Variants in KYNU observed in about 807,000 individuals in gnomAD.
KYNU encodes kynureninase, also known as L-kynurenine hydrolase.
In KYNU, 54 loss-of-function variants were observed where a neutral mutation model predicts 59.2. The ratio of observed to expected loss-of-function variants is 0.91; its 90% confidence interval spans 0.73 to 1.14. The LOEUF (loss-of-function observed/expected upper bound fraction) is 1.14, where lower values mean the gene tolerates loss of function less well. Among genes scored for constraint, KYNU ranks in the 50% most tolerant of loss-of-function variants. The pLI is 0.00. For synonymous variants in KYNU, 177 were observed against 192.0 expected (o/e 0.92, Z 0.65); for missense variants, 567 against 554.4 (o/e 1.02, Z -0.23).
chr2:143,033,904 T>C (rs1686825024), intron 12 of KYNU, among the ~76,000 whole-genome samples: 1 of 152,150 alleles, frequency 6.6e-6, no homozygotes, highest in Admixed American at 6.5e-5. Flanking sequence ...TATGATTTTT[T>C]TAAATTGGGA....
At chr2:142,877,761 C>CT (rs1681146050) in intron 1 of KYNU, 25 bp downstream of exon 1, 1 of 152,162 alleles carries the variant, frequency 6.6e-6, no homozygotes, top group Non-Finnish European at 1.5e-5. Flanking sequence ...CTGATAAAAA[C>CT]TCTCTACCCT....
intron 10 of KYNU, among the ~76,000 whole-genome samples, chr2:143,026,908 A>G (rs2104909594): frequency 6.6e-6 from 1 of 152,330 alleles, no homozygotes; most frequent in African/African-American, 2.4e-5. Context: ...TCTGAAGTCA[A>G]GCCACTTCTC....
chr2:143,020,205 C>A (rs1449838722), intron 10 of KYNU, among the ~76,000 whole-genome samples: 1 of 151,830 alleles, frequency 6.6e-6, no homozygotes, highest in East Asian at 1.9e-4. Context: ...CCTTGAGGTG[C>A]ATCATTAGGT....
chr2:143,035,214 C>G (rs1686861125), intron 12 of KYNU, among the ~76,000 whole-genome samples: 1 of 152,094 alleles, frequency 6.6e-6, no homozygotes, highest in African/African-American at 2.4e-5. Context: ...GTTTTTTGTA[C>G]AGATAAAGTC....
chr2:142,899,709 G>T (rs1039037248), intron 2 of KYNU, among the ~76,000 whole-genome samples: 2 of 152,190 alleles, frequency 1.3e-5, no homozygotes, highest in Non-Finnish European at 2.9e-5. Flanking sequence ...TCCATTTGAA[G>T]AATGATTTGT....
chr2:143,037,683 A>C (rs949668221), intron 12 of KYNU, among the ~76,000 whole-genome samples: 1 of 152,184 alleles, frequency 6.6e-6, no homozygotes, highest in Non-Finnish European at 1.5e-5. Flanking sequence ...AAACTCTGCA[A>C]AGTATTATCT....
intron 2 of KYNU, among the ~76,000 whole-genome samples, chr2:142,908,439 G>T (rs763557659): frequency 4.0e-5 from 6 of 151,396 alleles, no homozygotes; most frequent in Non-Finnish European, 8.8e-5. Context: ...TGTTTTTAAT[G>T]GGTAAATTAA....
chr2:143,049,697 C>T lies in KYNU; in HGVS notation c.*7525C>T, dbSNP rs1349606040. On this transcript the variant is annotated 3_prime_UTR_variant, in exon 14 of 14. Transcript: ENST00000264170. Reference sequence around the variant, plus strand: ...AATCTCAAGCACGGTGTCACGGGAACCTGATCTAAGTCAGCATTTTCTTTA... The same window carrying T: ...AATCTCAAGCACGGTGTCACGGGAATCTGATCTAAGTCAGCATTTTCTTTA... 6.6e-6 allele frequency: 1 copy of T among 152,164 alleles called. No individual in the cohort carries two copies. The highest frequency in any genetic ancestry group is 1.9e-4 in the East Asian group (1 of 5,202). The allele number at this position is 152,164 out of a possible 1,614,324, so 9.4% of individuals were successfully genotyped here. A position where few individuals can be genotyped will look rare whatever the true frequency, so the allele number is the denominator to read the frequency against.
intron 10 of KYNU, among the ~76,000 whole-genome samples, chr2:143,016,383 C>A (rs1393838957): frequency 1.3e-5 from 2 of 152,148 alleles, no homozygotes; most frequent in Non-Finnish European, 2.9e-5. Flanking sequence ...TTATAAAATT[C>A]TCTCTTTCAT....
At chr2:142,903,876 A>G (rs971037492) in intron 2 of KYNU, among the ~76,000 whole-genome samples, 1 of 152,110 alleles carries the variant, frequency 6.6e-6, no homozygotes, top group Non-Finnish European at 1.5e-5. Context: ...AGCAAGCCCT[A>G]TTAGGCATTC....
At chr2:143,028,711 G>A (rs903484296) in intron 10 of KYNU, among the ~76,000 whole-genome samples, 1 of 151,938 alleles carries the variant, frequency 6.6e-6, no homozygotes, top group African/African-American at 2.4e-5. Context: ...AGCCGGGCGT[G>A]GTGGCACATG....
chr2:143,023,032 T>C (rs1686451959), intron 10 of KYNU, among the ~76,000 whole-genome samples: 1 of 151,956 alleles, frequency 6.6e-6, no homozygotes, highest in African/African-American at 2.4e-5. Flanking sequence ...TTCATGTACT[T>C]TTATAACACT....
chr2:142,878,482 A>G (rs1349790938), intron 1 of KYNU, among the ~76,000 whole-genome samples: 1 of 152,068 alleles, frequency 6.6e-6, no homozygotes. Context: ...TTTTTTCTTT[A>G]CTAATGAAAA....
intron 1 of KYNU, among the ~76,000 whole-genome samples, chr2:142,883,433 C>T (rs538415016): frequency 1.3e-5 from 2 of 151,958 alleles, no homozygotes; most frequent in Admixed American, 6.5e-5. Context: ...CTCCTGACCT[C>T]GTGATCCGCC....
At position 143,054,968 on chromosome 2, in the gene KYNU, G is replaced by T. The variant is rs1001529543; in HGVS notation, c.*12796G>T. The T allele has an allele frequency of 6.6e-6, 1 of 152,134 alleles. No individual in the cohort carries two copies. The highest frequency in any genetic ancestry group is 1.5e-5 in the Non-Finnish European group (1 of 68,014). 9.4% of individuals were successfully genotyped at this position (152,134 alleles called of 1,614,324 possible). A position where few individuals can be genotyped will look rare whatever the true frequency, so the allele number is the denominator to read the frequency against. On this transcript the variant is annotated 3_prime_UTR_variant, in exon 14 of 14. Coordinates refer to ENST00000264170, the MANE Select transcript of KYNU (RefSeq NM_003937.3). ...TGAGAAATGTATTTTTATCTAATTT[G>T]TTAGCTGTGATAATAGTATTGTGGG...
At chr2:142,885,580 T>C in intron 2 of KYNU, 44 bp downstream of exon 2, 4 of 1,439,520 alleles carry the variant, frequency 2.8e-6, no homozygotes, top group Non-Finnish European at 3.8e-6. Flanking sequence ...TATTTATTTA[T>C]TTTTGCTACT....
intron 4 of KYNU, among the ~76,000 whole-genome samples, chr2:142,949,777 G>A (rs911828092): frequency 2.0e-5 from 3 of 152,078 alleles, no homozygotes; most frequent in African/African-American, 2.4e-5. Flanking sequence ...TTAACATTCT[G>A]CTCCTCGTTA....
chr2:142,879,789 T>C (rs1284037260), intron 1 of KYNU: 3 of 152,236 alleles, frequency 2.0e-5, no homozygotes, highest in African/African-American at 2.4e-5. Flanking sequence ...ATTACAAGCA[T>C]TAAATAAGAT....
At chr2:142,989,005 T>A in intron 10 of KYNU, 1 of 873,700 alleles carries the variant, frequency 1.1e-6, no homozygotes, top group Non-Finnish European at 1.9e-6. Context: ...TTTATTCACC[T>A]GAAAATCAAA....
Sources: gnomAD v4.1 joint callset for allele counts (sites outside exome capture counted in the v4.1 genomes callset) on GRCh38, gnomAD v4.1.1 for gene constraint, MANE v1.5 for transcripts, NCBI Gene and HGNC (gene_info 2026-07-23, HGNC 2026-07-21) for gene names.